Variants in SULF2 observed in about 807,000 individuals in gnomAD.
SULF2 encodes the protein extracellular sulfatase Sulf-2.
Under a neutral mutation model 107.7 loss-of-function variants are expected in SULF2, and 52 were observed. The observed-to-expected ratio is 0.48, with a 90% CI of 0.39 to 0.61. The LOEUF is 0.61. SULF2 is among the 20% of genes least tolerant of loss of function. The probability of loss-of-function intolerance (pLI) is 0.00; values close to 1 mark genes in which losing one functional copy is unlikely to be tolerated. For synonymous variants in SULF2, 460 were observed against 464.3 expected (o/e 0.99, Z 0.12); for missense variants, 993 against 1,177.3 (o/e 0.84, Z 2.29).
chr20:47,688,288 C>T (rs1036503221), intron 5 of SULF2, among the ~76,000 whole-genome samples: 4 of 152,072 alleles, frequency 2.6e-5, no homozygotes, highest in African/African-American at 9.7e-5. Context: ...TGGTTTCTTT[C>T]GGAAATGATT....
At chr20:47,786,378 A>C (rs562886420), upstream of SULF2, 3 of 152,164 alleles carry the variant, frequency 2.0e-5, no homozygotes, top group South Asian at 6.2e-4. Context: ...CACGTTAATA[A>C]ATGTTTTCTT....
intron 13 of SULF2, 129 bp from the exon 14 acceptor site, chr20:47,665,422 G>T: frequency 1.4e-6 from 1 of 698,804 alleles, no homozygotes. Flanking sequence ...CGGGCCCCAG[G>T]GCAAGCACCG....
intron 4 of SULF2, among the ~76,000 whole-genome samples, chr20:47,698,620 A>G (rs1230237946): frequency 6.6e-6 from 1 of 152,168 alleles, no homozygotes; most frequent in Non-Finnish European, 1.5e-5. Context: ...CCCATGCCTG[A>G]TACCCCTATA....
At chr20:47,720,261 A>AT (rs1448520888) in intron 3 of SULF2, among the ~76,000 whole-genome samples, 27 of 151,488 alleles carry the variant, frequency 1.8e-4, no homozygotes, top group African/African-American at 6.3e-4. Context: ...CCTTTATTTT[A>AT]TTTTATTTTT....
At chr20:47,661,935 C>T (rs1349276905) in intron 17 of SULF2, 39 bp from the exon 18 acceptor site, 2 of 1,485,096 alleles carry the variant, frequency 1.3e-6, no homozygotes, top group Non-Finnish European at 9.1e-7. Flanking sequence ...AAGGTAAGTA[C>T]AGGGACTCTC....
At chr20:47,746,256 G>T (rs943307448) in intron 2 of SULF2, among the ~76,000 whole-genome samples, 1 of 152,258 alleles carries the variant, frequency 6.6e-6, no homozygotes, top group African/African-American at 2.4e-5. Flanking sequence ...GAGACCTGCA[G>T]AGAACAGGCA....
At chr20:47,716,101 A>G (rs1207739742) in intron 3 of SULF2, among the ~76,000 whole-genome samples, 1 of 152,192 alleles carries the variant, frequency 6.6e-6, no homozygotes, top group African/African-American at 2.4e-5. Flanking sequence ...GTGCTTTTCA[A>G]TATGGTCAAA....
chr20:47,726,146 C>T (rs547698389), intron 3 of SULF2, among the ~76,000 whole-genome samples: 1 of 152,282 alleles, frequency 6.6e-6, no homozygotes, highest in South Asian at 2.1e-4. Flanking sequence ...GTTTTTATTG[C>T]CCCTTCTCAG....
chr20:47,663,341 G>A lies in SULF2; in HGVS notation c.2227+112C>T, dbSNP rs186283784. ...GCCAAGAGGCTGTCCCGAGCACCGT[G>A]GACCCCTGGTGTTGGGGACCCCCTT... On this transcript the variant is annotated intron_variant, in intron 16 of 20. Transcript: ENST00000688720. 1,072 of 1,574,762 alleles carry A rather than the reference G, an allele frequency of 6.8e-4. 4 individuals are homozygous for A. Among genetic ancestry groups the A allele is most frequent in the Non-Finnish European group, 6.0e-4 (699 of 1,156,874 alleles).
intron 1 of SULF2, among the ~76,000 whole-genome samples, chr20:47,776,931 G>C (rs9917446): frequency 0.22 from 33,520 of 152,114 alleles, 4,733 homozygotes; most frequent in African/African-American, 0.4. Flanking sequence ...CTAGCCAGAT[G>C]TGCCTGTAGC....
intron 7 of SULF2, among the ~76,000 whole-genome samples, chr20:47,682,151 C>T (rs2087843437): frequency 6.6e-6 from 1 of 151,994 alleles, no homozygotes; most frequent in South Asian, 2.1e-4. Flanking sequence ...TGGCCTTGAA[C>T]TCATGCAGCC....
At chr20:47,663,726 A>C in intron 15 of SULF2, 104 bp from the exon 16 acceptor site, 1 of 1,314,446 alleles carries the variant, frequency 7.6e-7, no homozygotes, top group Non-Finnish European at 1.0e-6. Context: ...GGCTTCTCCA[A>C]CAGAGAGCCA....
Position 47,678,597 on chromosome 20 carries a change from T to C in SULF2, c.1193+79A>G. On this transcript the variant is annotated intron_variant, in intron 8 of 20. Coordinates refer to ENST00000688720, the MANE Select transcript of SULF2 (RefSeq NM_001387048.1). This position sits in a 1 kb window ranked among gnomAD's most constrained non-coding sequence, Gnocchi z 4.5. The stretch of plus-strand genomic sequence containing the variant: ...CCCGACCCTTGGAGACCCCACGTTC[T>C]AGACCCACAGGGTTTTGCTCTGAGT... 4 of 1,576,596 alleles carry C rather than the reference T, an allele frequency of 2.5e-6. No individual in the cohort carries two copies. The highest frequency in any genetic ancestry group is 3.5e-6 in the Non-Finnish European group (4 of 1,157,192).
chr20:47,740,481 C>T (rs949719251), intron 2 of SULF2, among the ~76,000 whole-genome samples: 3 of 152,046 alleles, frequency 2.0e-5, no homozygotes, highest in Non-Finnish European at 4.4e-5. Flanking sequence ...GGGGGTGGCC[C>T]AGGGTCACAT....
At chr20:47,677,280 C>G (rs2087675247) in intron 8 of SULF2, 146 bp from the exon 9 acceptor site, 1 of 823,978 alleles carries the variant, frequency 1.2e-6, no homozygotes, top group Admixed American at 2.5e-5. Flanking sequence ...CCCAGCTGGG[C>G]ACTAGAGCAT....
intron 3 of SULF2, among the ~76,000 whole-genome samples, chr20:47,729,623 G>A (rs540388159): frequency 4.6e-5 from 7 of 152,220 alleles, no homozygotes; most frequent in Non-Finnish European, 1.0e-4. Flanking sequence ...CTAAGGTTTT[G>A]GCCTGAGCAA....
chr20:47,668,062 GCAAGTACA>G, intron 11 of SULF2, among the ~76,000 whole-genome samples: 1 of 152,320 alleles, frequency 6.6e-6, no homozygotes, highest in South Asian at 2.1e-4. Context: ...GTCTCCCGAT[GCAAGTACA>G]CAAATTGCCG....
In SULF2 at chr20:47,678,641, C is replaced by T. The variant is rs533380871; in HGVS notation, c.1193+35G>A. ...TCTGAGTTCCCGCAGGTCAATGTCC[C>T]GGCCCCCTCAACACCTGCCCTGCTC... is the stretch of plus-strand genomic sequence containing the variant. On this transcript the variant is annotated intron_variant, in intron 8 of 20. Transcript: ENST00000688720. The surrounding 1 kb of genome is among the most constrained non-coding windows in gnomAD (Gnocchi z 4.5). 8.1e-5 allele frequency: 131 copies of T among 1,610,672 alleles called. No individual in the cohort carries two copies. The South Asian group carries it at 1.0e-3, about 12-fold the overall frequency.
rs2087718342 is a variant in SULF2 at position 47,678,402 on chromosome 20, C to T, written c.1193+274G>A. ...CCGTGCAGTTAGCACCATCTCCTAC[C>T]ATCACTGCTGCTATCATTTCAAGCT... On this transcript the variant is annotated intron_variant, in intron 8 of 20. Transcript: ENST00000688720. The surrounding 1 kb of genome is among the most constrained non-coding windows in gnomAD (Gnocchi z 4.5). The T allele has an allele frequency of 4.7e-6, 2 of 422,614 alleles. No homozygotes were observed. Among genetic ancestry groups the T allele is most frequent in the African/African-American group, 2.0e-5 (1 of 50,308 alleles). 26.2% of individuals were successfully genotyped at this position (422,614 alleles called of 1,614,324 possible).
Sources: allele counts gnomAD v4.1 joint callset (sites outside exome capture counted in the v4.1 genomes callset), GRCh38; gene constraint gnomAD v4.1.1; non-coding constraint Gnocchi (gnomAD v3.1); transcripts MANE v1.5; gene names NCBI Gene and HGNC (gene_info 2026-07-23, HGNC 2026-07-21).